Variants in SLC16A12 observed in about 807,000 individuals in gnomAD.
SLC16A12 encodes the protein monocarboxylate transporter 12.
In SLC16A12, 17 loss-of-function variants were observed where a neutral mutation model predicts 42.4. That is an observed-to-expected ratio of 0.40 (90% confidence interval 0.27 to 0.60). SLC16A12 has a LOEUF of 0.60. SLC16A12 is among the 20% of genes least tolerant of loss of function. SLC16A12 has a pLI of 0.42. For missense variants in SLC16A12, 544 were observed against 623.0 expected (o/e 0.87, Z 1.35); for synonymous variants, 224 against 229.4 (o/e 0.98, Z 0.21).
chr10:89,447,093 A>G (rs1430817086), intron 3 of SLC16A12, among the ~76,000 whole-genome samples: 6 of 152,244 alleles, frequency 3.9e-5, no homozygotes, highest in South Asian at 2.1e-4. Flanking sequence ...ATACAGGAGC[A>G]CCCAAATTCA....
chr10:89,445,488 T>A (rs946460751), intron 3 of SLC16A12, among the ~76,000 whole-genome samples: 3 of 152,060 alleles, frequency 2.0e-5, no homozygotes, highest in African/African-American at 7.2e-5. Flanking sequence ...TCCAGCAAAC[T>A]CCAACAGACC....
chr10:89,505,598 G>A lies in SLC16A12; in HGVS notation c.-47+28903C>T, dbSNP rs542722988. ...TTGGACAGTGGGTGCAGCCCACAGA[G>A]GGTGAGCCGAAGCAGAGTGGGGTGC... On this transcript the variant is annotated intron_variant, in intron 2 of 7. Transcript: ENST00000371790. Among the ~76,000 whole-genome samples the A allele has an allele frequency of 3.3e-5, 5 of 152,296 alleles. No individual in the cohort carries two copies. In the East Asian group the frequency reaches 9.6e-4, roughly 29 times the overall value.
At chr10:89,512,862 C>A (rs760890989) in intron 2 of SLC16A12, among the ~76,000 whole-genome samples, 1 of 152,116 alleles carries the variant, frequency 6.6e-6, no homozygotes, top group Non-Finnish European at 1.5e-5. Context: ...CCAACCAGGA[C>A]GTGGAATTGG....
chr10:89,479,054 T>C (rs543374156), intron 2 of SLC16A12, among the ~76,000 whole-genome samples: 3 of 152,312 alleles, frequency 2.0e-5, no homozygotes, highest in African/African-American at 4.8e-5. Flanking sequence ...TATTTAGACT[T>C]CTCTGCCACT....
intron 2 of SLC16A12, among the ~76,000 whole-genome samples, chr10:89,532,759 A>T (rs1310809454): frequency 6.6e-6 from 1 of 152,222 alleles, no homozygotes; most frequent in Non-Finnish European, 1.5e-5. Context: ...TGCTGTTTTG[A>T]AGAAAAAGCA....
chr10:89,554,014 G>GAGAAAGGAAGAA (rs1564607033), intron 2 of SLC16A12, among the ~76,000 whole-genome samples: 2 of 125,064 alleles, frequency 1.6e-5, no homozygotes, highest in African/African-American at 6.2e-5. Context: ...GAAAGAAAGA[G>GAGAAAGGAAGAA]AGAAAGAAAG....
chr10:89,446,420 C>T (rs1386034587), intron 3 of SLC16A12, among the ~76,000 whole-genome samples: 1 of 152,158 alleles, frequency 6.6e-6, no homozygotes, highest in Non-Finnish European at 1.5e-5. Flanking sequence ...TTGCAGAAAC[C>T]CTGCAAGCCA....
At chr10:89,539,977 CT>C (rs1433241731), upstream of SLC16A12, among the ~76,000 whole-genome samples, 2 of 146,932 alleles carry the variant, frequency 1.4e-5, no homozygotes, top group African/African-American at 5.0e-5. Context: ...TTCTTTCTCT[CT>C]TTCTTTCTTT....
intron 2 of SLC16A12, among the ~76,000 whole-genome samples, chr10:89,481,676 AGAGT>A (rs753235630): frequency 5.4e-4 from 80 of 147,750 alleles, no homozygotes; most frequent in Middle Eastern, 3.5e-3. Flanking sequence ...AGAGAGAGAG[AGAGT>A]GTGTGTGTGT....
chr10:89,477,870 G>GC lies in SLC16A12; in HGVS notation c.-46-15247dup, dbSNP rs1554829116. On this transcript the variant is annotated intron_variant, in intron 2 of 7. Coordinates refer to ENST00000371790, the MANE Select transcript of SLC16A12 (RefSeq NM_213606.4). ...TGAGACCGGCCCCTGCCCTGCCCCCGCCCCCACCCCCACCCCGATGAAGTC... is the reference window on the plus strand; with the variant it reads ...TGAGACCGGCCCCTGCCCTGCCCCCGCCCCCCACCCCCACCCCGATGAAGTC... Among the ~76,000 whole-genome samples, 59 of 33,346 alleles carry GC rather than the reference G, an allele frequency of 1.8e-3. No homozygotes were observed. The Middle Eastern group carries it at 0.12, about 68-fold the overall frequency. 21.9% of individuals were successfully genotyped at this position (33,346 alleles called of 152,430 possible). A position where few individuals can be genotyped will look rare whatever the true frequency, so the allele number is the denominator to read the frequency against.
chr10:89,466,176 A>G (rs1406775037), intron 2 of SLC16A12, among the ~76,000 whole-genome samples: 1 of 152,230 alleles, frequency 6.6e-6, no homozygotes, highest in Non-Finnish European at 1.5e-5. Context: ...TGTTGTATAT[A>G]TCAAAGTGAG....
In SLC16A12 at chr10:89,430,310, A is replaced by C. The variant is rs1841676611; in HGVS notation, c.*2754T>G. 1 of 230,770 alleles carries C rather than the reference A, an allele frequency of 4.3e-6. No individual in the cohort carries two copies. Among genetic ancestry groups the C allele is most frequent in the Non-Finnish European group, 8.4e-6 (1 of 119,164 alleles). The allele number at this position is 230,770 out of a possible 1,614,324, so 14.3% of individuals were successfully genotyped here. A position where few individuals can be genotyped will look rare whatever the true frequency, so the allele number is the denominator to read the frequency against. ...AATGTCTTTCCAAACACAGGACAAT[A>C]AATTCATTTTATTTTGCTTTTGAAA... On this transcript the variant is annotated 3_prime_UTR_variant, in exon 8 of 8. Coordinates refer to ENST00000371790, the MANE Select transcript of SLC16A12 (RefSeq NM_213606.4).
intron 2 of SLC16A12, among the ~76,000 whole-genome samples, chr10:89,484,195 T>C (rs879815452): frequency 3.3e-5 from 5 of 152,216 alleles, no homozygotes; most frequent in Admixed American, 2.0e-4. Flanking sequence ...AATATACAAA[T>C]GTATAATTCC....
Position 89,436,277 on chromosome 10 carries a change from C to T in SLC16A12, c.1071G>A (p.Val357=). Residue 357 remains valine, a synonymous_variant, in exon 7 of 8, where the codon GTG becomes GTA. Coordinates refer to ENST00000371790, the MANE Select transcript of SLC16A12 (RefSeq NM_213606.4). The stretch of plus-strand genomic sequence containing the variant: ...AGAGATAGCAGAGCCCATCCATTCC[C>T]ACGGCAAAGAGGTAGCAAACATACT... ...NYQYVCYLFA[V]GMDGLCYLCL... The T allele has an allele frequency of 6.2e-7, 1 of 1,614,052 alleles. No individual in the cohort carries two copies. Among genetic ancestry groups the T allele is most frequent in the Non-Finnish European group, 8.5e-7 (1 of 1,179,986 alleles).
At chr10:89,514,684 A>G (rs1843217905) in intron 2 of SLC16A12, among the ~76,000 whole-genome samples, 1 of 152,216 alleles carries the variant, frequency 6.6e-6, no homozygotes, top group African/African-American at 2.4e-5. Context: ...AAATACCATC[A>G]CATTGGGGGT....
chr10:89,489,380 C>T (rs1461898074), intron 2 of SLC16A12, among the ~76,000 whole-genome samples: 1 of 152,088 alleles, frequency 6.6e-6, no homozygotes, highest in Non-Finnish European at 1.5e-5. Flanking sequence ...CACTCTGTCA[C>T]CCAGGCTGGA....
At chr10:89,553,825 C>T (rs912071738) in intron 2 of SLC16A12, among the ~76,000 whole-genome samples, 11 of 151,764 alleles carry the variant, frequency 7.2e-5, no homozygotes, top group African/African-American at 2.7e-4. Context: ...GAAACCCTGT[C>T]TCTACTAAAA....
chr10:89,532,226 C>A (rs1589732026), intron 2 of SLC16A12, among the ~76,000 whole-genome samples: 3 of 152,114 alleles, frequency 2.0e-5, no homozygotes, highest in South Asian at 4.1e-4. Context: ...ATTAACCCTA[C>A]TCGTCAATGC....
chr10:89,439,351 T>A (rs1841864308), intron 5 of SLC16A12, among the ~76,000 whole-genome samples, 168 bp from the exon 6 acceptor site: 1 of 152,190 alleles, frequency 6.6e-6, no homozygotes, highest in African/African-American at 2.4e-5. Context: ...CATTCACAAT[T>A]TGGAAAATGT....
Sources: allele counts gnomAD v4.1 joint callset (sites outside exome capture counted in the v4.1 genomes callset), GRCh38; gene constraint gnomAD v4.1.1; transcripts MANE v1.5; gene names NCBI Gene and HGNC (gene_info 2026-07-23, HGNC 2026-07-21).